Variants in TYW1 observed in about 807,000 individuals in gnomAD.
The protein encoded by TYW1 is tRNA-yW synthesizing protein 1 homolog.
TYW1 carries 46 observed loss-of-function variants against 96.2 expected under a neutral mutation model. The ratio of observed to expected loss-of-function variants is 0.48; its 90% CI spans 0.38 to 0.61. The LOEUF is 0.61. TYW1 is among the 20% of genes least tolerant of loss of function. The probability of loss-of-function intolerance (pLI) is 0.00; values close to 1 mark genes in which losing one functional copy is unlikely to be tolerated. For missense variants in TYW1, 684 were observed against 909.6 expected (o/e 0.75, Z 3.19); for synonymous variants, 274 against 323.0 (o/e 0.85, Z 1.63).
chr7:67,036,574 TG>T (rs1794849730), intron 7 of TYW1, among the ~76,000 whole-genome samples: 1 of 152,208 alleles, frequency 6.6e-6, no homozygotes, highest in Non-Finnish European at 1.5e-5. Flanking sequence ...GGCCCCTTGC[TG>T]GGGCCAGGCT....
chr7:67,102,841 C>CAG (rs36011382), intron 12 of TYW1, among the ~76,000 whole-genome samples: 149 of 151,320 alleles, frequency 9.8e-4, no homozygotes, highest in South Asian at 7.5e-3. Context: ...TTAGTAGAGA[C>CAG]GGGTTTCACC....
chr7:67,087,879 T>C (rs1002354773), intron 11 of TYW1, among the ~76,000 whole-genome samples: 3 of 152,142 alleles, frequency 2.0e-5, no homozygotes, highest in Admixed American at 6.6e-5. Flanking sequence ...ATTTATTTAC[T>C]TGGAGACAGG....
At chr7:67,130,074 A>C (rs1278987839) in intron 13 of TYW1, among the ~76,000 whole-genome samples, 8 of 151,632 alleles carry the variant, frequency 5.3e-5, no homozygotes, top group Non-Finnish European at 1.2e-4. Context: ...ACAGAGTGTC[A>C]TATCTTTCTA....
chr7:67,205,907 C>T (rs1800782833), intron 15 of TYW1, among the ~76,000 whole-genome samples: 1 of 152,148 alleles, frequency 6.6e-6, no homozygotes, highest in African/African-American at 2.4e-5. Flanking sequence ...CCATGTTGTT[C>T]CTCAGATCCC....
chr7:67,029,570 A>C (rs1292315493), intron 7 of TYW1, among the ~76,000 whole-genome samples: 1 of 151,902 alleles, frequency 6.6e-6, no homozygotes, highest in East Asian at 1.9e-4. Flanking sequence ...GGACAGGTTT[A>C]GGGCAGAGTC....
intron 15 of TYW1, among the ~76,000 whole-genome samples, chr7:67,235,893 C>CAAAAAAAAA (rs548873963): frequency 1.7e-4 from 12 of 69,486 alleles, no homozygotes; most frequent in East Asian, 5.0e-4. Flanking sequence ...GACTCTGTCT[C>CAAAAAAAAA]AAAAAAAAAA....
intron 15 of TYW1, among the ~76,000 whole-genome samples, chr7:67,211,332 G>T (rs528816596): frequency 2.0e-5 from 3 of 152,168 alleles, no homozygotes; most frequent in Non-Finnish European, 2.9e-5. Context: ...GAAACTGTAC[G>T]TATGCTGCCA....
intron 15 of TYW1, among the ~76,000 whole-genome samples, chr7:67,217,784 G>GT (rs57307806): frequency 0.28 from 39,950 of 141,122 alleles, 5,725 homozygotes; most frequent in African/African-American, 0.37. Flanking sequence ...TACAAAAAAT[G>GT]TTTTTGTTAT....
Position 67,180,301 on chromosome 7 carries a change from A to G in TYW1, c.1699-2825A>G, listed in dbSNP as rs1259377889. Among the ~76,000 whole-genome samples the G allele has an allele frequency of 1.1e-4, 14 of 127,458 alleles. 1 individual carries two copies. The Admixed American group carries it at 1.1e-3, about 10-fold the overall frequency. The allele number at this position is 127,458 out of a possible 152,430, so 83.6% of individuals were successfully genotyped here. A position where few individuals can be genotyped will look rare whatever the true frequency, so the allele number is the denominator to read the frequency against. On this transcript the variant is annotated intron_variant, in intron 13 of 15. Transcript: ENST00000359626. ...GGTAGAAACTAAGAACAGAGAGGTA[A>G]TGATACCTAGTACATGGGTTGGGAT... is the stretch of plus-strand genomic sequence containing the variant.
At chr7:67,025,738 A>G (rs1384513945) in intron 7 of TYW1, among the ~76,000 whole-genome samples, 1 of 152,176 alleles carries the variant, frequency 6.6e-6, no homozygotes, top group Non-Finnish European at 1.5e-5. Flanking sequence ...TTTCATGCAG[A>G]TTCCAGTGAT....
At chr7:67,018,169 C>T (rs369028621) in intron 6 of TYW1, 26 bp downstream of exon 6, 50 of 1,597,812 alleles carry the variant, frequency 3.1e-5, no homozygotes, top group East Asian at 1.3e-4. Context: ...GTTCATCTCT[C>T]GAGGCTTTCC....
In TYW1 at chr7:67,183,114, C is replaced by G. The variant is rs577442165; in HGVS notation, c.1699-12C>G. 30 of 1,596,298 alleles carry G rather than the reference C, an allele frequency of 1.9e-5. No homozygotes were observed. In the East Asian group the frequency reaches 5.0e-4, roughly 26 times the overall value. The stretch of plus-strand genomic sequence containing the variant: ...CAAGATAACAACGAACTTGGCTTTT[C>G]CTTTGTTTTAGCAACAACGAACTGT... On this transcript the variant is annotated splice_polypyrimidine_tract_variant and intron_variant, in intron 13 of 15. Coordinates refer to ENST00000359626, the MANE Select transcript of TYW1 (RefSeq NM_018264.4).
chr7:67,203,110 C>T (rs1299823273), intron 15 of TYW1, among the ~76,000 whole-genome samples: 1 of 152,226 alleles, frequency 6.6e-6, no homozygotes, highest in African/African-American at 2.4e-5. Context: ...AAAGATCTTT[C>T]TCATGCTATT....
chr7:67,063,726 C>T (rs1369102744), intron 9 of TYW1, among the ~76,000 whole-genome samples: 1 of 152,034 alleles, frequency 6.6e-6, no homozygotes, highest in Non-Finnish European at 1.5e-5. Context: ...GCCTCAGCCT[C>T]CCTAGTAGCT....
At chr7:67,171,353 G>T (rs541150573) in intron 13 of TYW1, among the ~76,000 whole-genome samples, 2 of 152,016 alleles carry the variant, frequency 1.3e-5, no homozygotes, top group South Asian at 4.2e-4. Flanking sequence ...TTTGTCTCCC[G>T]AGTTGTTTTT....
intron 13 of TYW1, among the ~76,000 whole-genome samples, chr7:67,158,461 G>T (rs1799055757): frequency 6.6e-6 from 1 of 152,130 alleles, no homozygotes; most frequent in Admixed American, 6.5e-5. Flanking sequence ...ATGATCATAT[G>T]ATTTTTCTGT....
intron 14 of TYW1, among the ~76,000 whole-genome samples, chr7:67,192,411 C>A (rs1204937805): frequency 6.6e-6 from 1 of 152,108 alleles, no homozygotes; most frequent in African/African-American, 2.4e-5. Context: ...CTCACGAAGA[C>A]AAGATTTTAT....
chr7:67,114,006 T>A (rs1198884597), intron 12 of TYW1, among the ~76,000 whole-genome samples: 2 of 152,160 alleles, frequency 1.3e-5, no homozygotes, highest in East Asian at 3.9e-4. Context: ...TCATCGTCTC[T>A]AAAATGGGCA....
At chr7:67,001,906 C>T (rs750339694) in intron 3 of TYW1, among the ~76,000 whole-genome samples, 12 of 151,744 alleles carry the variant, frequency 7.9e-5, no homozygotes, top group South Asian at 2.1e-4. Flanking sequence ...TGGTGGTGCA[C>T]GTCTGTAATT....
Sources: allele counts gnomAD v4.1 joint callset (sites outside exome capture counted in the v4.1 genomes callset), GRCh38; gene constraint gnomAD v4.1.1; transcripts MANE v1.5; gene names NCBI Gene and HGNC (gene_info 2026-07-23, HGNC 2026-07-21).